Variants in THSD7A observed in about 807,000 individuals in gnomAD.
THSD7A encodes the protein thrombospondin type-1 domain-containing protein 7A.
THSD7A carries 96 observed loss-of-function variants against 231.3 expected under a neutral mutation model. The ratio of observed to expected loss-of-function variants is 0.41; its 90% CI spans 0.35 to 0.49. THSD7A has a LOEUF of 0.49. Among genes scored for constraint, THSD7A ranks in the 20% least tolerant of loss-of-function variants. The pLI, the probability that THSD7A is intolerant of heterozygous loss-of-function variation, is 0.05. For synonymous variants in THSD7A, 940 were observed against 743.3 expected, an observed-to-expected ratio of 1.26 and a Z score of -4.30; for missense variants, 2,290 against 2,070.2, an observed-to-expected ratio of 1.11 and a Z score of -2.06.
In THSD7A at chr7:11,546,202, G is replaced by GCGCGCGCGCACACACA. The variant is rs761841418; in HGVS notation, c.1454-3086_1454-3085insTGTGTGTGCGCGCGCG. ...TCTGTTGTTGCTGGTGTGGGCGCGC[G>GCGCGCGCGCACACACA]CTCACACACACACACACACACACAC... On this transcript the variant is annotated intron_variant, in intron 4 of 27. Transcript: ENST00000423059. 1.5e-3 allele frequency among the ~76,000 whole-genome samples: 194 copies of GCGCGCGCGCACACACA among 129,440 alleles called. 3 individuals carry two copies. Among genetic ancestry groups the GCGCGCGCGCACACACA allele is most frequent in the African/African-American group, 3.9e-3 (138 of 35,132 alleles). The allele number at this position is 129,440 out of a possible 152,430, so 84.9% of individuals were successfully genotyped here.
chr7:11,568,038 T>C (rs527566205), intron 4 of THSD7A, among the ~76,000 whole-genome samples: 2 of 152,236 alleles, frequency 1.3e-5, no homozygotes, highest in Non-Finnish European at 2.9e-5. Flanking sequence ...TAATCTACTA[T>C]AGTCACTCAA....
chr7:11,729,202 G>A (rs1199395232), intron 1 of THSD7A, among the ~76,000 whole-genome samples: 1 of 151,670 alleles, frequency 6.6e-6, no homozygotes, highest in Non-Finnish European at 1.5e-5. Flanking sequence ...TGTTCATTGT[G>A]GGATGCAAAA....
At position 11,406,125 on chromosome 7, in the gene THSD7A, C is replaced by T. The variant is rs940150777; in HGVS notation, c.4237+175G>A. 2.6e-5 allele frequency among the ~76,000 whole-genome samples: 4 copies of T among 152,172 alleles called. No individual in the cohort carries two copies. The highest frequency in any genetic ancestry group is 9.7e-5 in the African/African-American group (4 of 41,428). On this transcript the variant is annotated intron_variant, in intron 22 of 27. Transcript: ENST00000423059. This position sits in a 1 kb window ranked among gnomAD's most constrained non-coding sequence, Gnocchi z 4.7. ...AGACCTGGACTTCAACCCTACCTGG[C>T]AGTAATGAGACAGCGTCCCGTTCCC... is the stretch of plus-strand genomic sequence containing the variant.
At chr7:11,409,175 A>G (rs553632372) in intron 19 of THSD7A, among the ~76,000 whole-genome samples, 1 of 152,352 alleles carries the variant, frequency 6.6e-6, no homozygotes, top group East Asian at 1.9e-4. Flanking sequence ...TAGGTATCCA[A>G]TGAGTAAATG....
chr7:11,467,188 A>G (rs62438192), intron 9 of THSD7A, among the ~76,000 whole-genome samples: 22,663 of 152,056 alleles, frequency 0.15, 1,792 homozygotes, highest in African/African-American at 0.19. Context: ...GATGTCTCCA[A>G]TCCTCACTTG....
intron 6 of THSD7A, among the ~76,000 whole-genome samples, chr7:11,506,399 G>C (rs1297238244): frequency 6.6e-6 from 1 of 152,126 alleles, no homozygotes; most frequent in African/African-American, 2.4e-5. Flanking sequence ...GCCATTATTA[G>C]TACTACATTC....
In THSD7A at chr7:11,411,369, A is replaced by T. The variant is rs552823642; in HGVS notation, c.3683-47T>A. The T allele has an allele frequency of 1.5e-6, 2 of 1,338,334 alleles. No homozygotes were observed. Among genetic ancestry groups the T allele is most frequent in the African/African-American group, 2.9e-5 (2 of 68,470 alleles). The allele number at this position is 1,338,334 out of a possible 1,614,324, so 82.9% of individuals were successfully genotyped here. A position where few individuals can be genotyped will look rare whatever the true frequency, so the allele number is the denominator to read the frequency against. On this transcript the variant is annotated intron_variant, in intron 18 of 27. Coordinates refer to ENST00000423059, the MANE Select transcript of THSD7A (RefSeq NM_015204.3). The surrounding 1 kb of genome is among the most constrained non-coding windows in gnomAD (Gnocchi z 4.1). ...CAGAACAGAAGGCTAAGTAAGAAAC[A>T]GATTTCAAATGAAACTCTGATGACC... is the stretch of plus-strand genomic sequence containing the variant.
chr7:11,387,030 G>T (rs1487645473), intron 23 of THSD7A, among the ~76,000 whole-genome samples: 1 of 152,092 alleles, frequency 6.6e-6, no homozygotes, highest in Non-Finnish European at 1.5e-5. Context: ...TAGATGTGTG[G>T]TGTTATTTCT....
chr7:11,714,196 G>C (rs1211758616), intron 1 of THSD7A, among the ~76,000 whole-genome samples: 1 of 151,134 alleles, frequency 6.6e-6, no homozygotes, highest in Non-Finnish European at 1.5e-5. Context: ...TAAAATAATA[G>C]TATAATAAAT....
intron 24 of THSD7A, among the ~76,000 whole-genome samples, chr7:11,380,010 T>C (rs1373043115): frequency 6.6e-6 from 1 of 152,190 alleles, no homozygotes; most frequent in Non-Finnish European, 1.5e-5. Context: ...CACAAGCTTT[T>C]TCTGTCAGGA....
chr7:11,546,279 A>C (rs888437806), intron 4 of THSD7A, among the ~76,000 whole-genome samples: 1 of 151,672 alleles, frequency 6.6e-6, no homozygotes, highest in Non-Finnish European at 1.5e-5. Flanking sequence ...ATGCATGCCC[A>C]AGTGTGGACC....
At chr7:11,574,247 T>TCA (rs1790779691) in intron 4 of THSD7A, among the ~76,000 whole-genome samples, 1 of 135,774 alleles carries the variant, frequency 7.4e-6, no homozygotes, top group African/African-American at 2.8e-5. Flanking sequence ...CTTATTTATT[T>TCA]TTTGGTATAT....
At chr7:11,629,647 T>A (rs1245609721) in intron 2 of THSD7A, among the ~76,000 whole-genome samples, 1 of 152,174 alleles carries the variant, frequency 6.6e-6, no homozygotes, top group South Asian at 2.1e-4. Flanking sequence ...TCAGGAACCA[T>A]ATAGCTCATC....
chr7:11,712,970 G>A (rs77220085), intron 1 of THSD7A, among the ~76,000 whole-genome samples: 5,494 of 150,912 alleles, frequency 0.036, 326 homozygotes, highest in African/African-American at 0.13. Context: ...AAATTTCTCC[G>A]TCTTTTTTAC....
intron 6 of THSD7A, among the ~76,000 whole-genome samples, chr7:11,522,429 T>A (rs1788305355): frequency 6.6e-6 from 1 of 152,224 alleles, no homozygotes; most frequent in African/African-American, 2.4e-5. Flanking sequence ...TTCACATACT[T>A]TCATGTTTAT....
At chr7:11,678,443 C>A (rs925744166) in intron 1 of THSD7A, among the ~76,000 whole-genome samples, 2 of 151,918 alleles carry the variant, frequency 1.3e-5, no homozygotes, top group South Asian at 2.1e-4. Flanking sequence ...AATAGATAGA[C>A]CGCTAGCCTG....
At chr7:11,382,472 G>T (rs1376244117) in intron 24 of THSD7A, 49 bp downstream of exon 24, 2 of 1,396,488 alleles carry the variant, frequency 1.4e-6, no homozygotes, top group African/African-American at 2.8e-5. Flanking sequence ...CCAATCACAT[G>T]TGTGTTACAG....
chr7:11,593,022 C>A (rs1780224893), intron 3 of THSD7A, among the ~76,000 whole-genome samples: 2 of 152,096 alleles, frequency 1.3e-5, no homozygotes, highest in South Asian at 4.1e-4. Context: ...AAAATTTTGG[C>A]AACTCCTATT....
chr7:11,803,820 G>A (rs568411586), intron 1 of THSD7A, among the ~76,000 whole-genome samples: 35 of 152,092 alleles, frequency 2.3e-4, no homozygotes, highest in Admixed American at 2.0e-3. Context: ...GGTGAGGTGG[G>A]GTCTGGATAT....
Sources: allele counts gnomAD v4.1 joint callset (sites outside exome capture counted in the v4.1 genomes callset), GRCh38; gene constraint gnomAD v4.1.1; non-coding constraint Gnocchi (gnomAD v3.1); transcripts MANE v1.5; gene names NCBI Gene and HGNC (gene_info 2026-07-23, HGNC 2026-07-21).